KCNN3: variants seen among roughly 807,000 people sequenced by gnomAD.
The protein encoded by KCNN3 is potassium calcium-activated channel subfamily N member 3.
Under a neutral mutation model 62.9 loss-of-function variants are expected in KCNN3, and 16 were observed. The observed-to-expected ratio is 0.25, with a 90% CI of 0.17 to 0.39. KCNN3 has a LOEUF of 0.39. KCNN3 is among the 10% of genes least tolerant of loss of function. The pLI is 1.00. For synonymous variants in KCNN3, 370 were observed against 389.2 expected (o/e 0.95, Z 0.58); for missense variants, 599 against 949.4 (o/e 0.63, Z 4.85).
In KCNN3 at chr1:154,810,652, C is replaced by T. The variant is rs528351087; in HGVS notation, c.1029+11437G>A. On this transcript the variant is annotated intron_variant, in intron 2 of 7. Coordinates refer to ENST00000271915, the MANE Select transcript of KCNN3 (RefSeq NM_002249.6). ...ATTTTAATAGGCAGAGGAGCCACCA[C>T]AAGGCACAGCCAAGGTGGGGGTGTG... Among the ~76,000 whole-genome samples the T allele has an allele frequency of 1.7e-4, 26 of 152,342 alleles. No homozygotes were observed. In the South Asian group the frequency reaches 5.0e-3, roughly 29 times the overall value.
rs772303802 is a variant in KCNN3 at position 154,869,904 on chromosome 1, A to G, written c.61T>C (p.Cys21Arg). 1 of 1,609,630 alleles carries G rather than the reference A, an allele frequency of 6.2e-7. No individual in the cohort carries two copies. The highest frequency in any genetic ancestry group is 1.1e-5 in the South Asian group (1 of 90,216). The part of the protein sequence containing the change: ...GVGDLDEDPK[C>R]PCPSSGDEQQ... ...TCATCCCCAGAGGATGGACAGGGGC[A>G]CTTGGGGTCTTCATCCAAGTCCCCC... The change falls in exon 1 of 8, where the codon TGC (cysteine) becomes CGC (arginine). Residue 21 changes from cysteine (C) to arginine (R), a missense_variant. Coordinates refer to ENST00000271915, the MANE Select transcript of KCNN3 (RefSeq NM_002249.6). This position sits in a 1 kb window ranked among gnomAD's most constrained non-coding sequence, Gnocchi z 6.1.
At chr1:154,858,448 CA>C (rs1652621314) in intron 1 of KCNN3, among the ~76,000 whole-genome samples, 1 of 152,232 alleles carries the variant, frequency 6.6e-6, no homozygotes, top group South Asian at 2.1e-4. Flanking sequence ...GCCAAATAGC[CA>C]GGATTTGAAT....
At chr1:154,770,497 AAT>A in intron 3 of KCNN3, among the ~76,000 whole-genome samples, 2 of 152,330 alleles carry the variant, frequency 1.3e-5, no homozygotes, top group Middle Eastern at 6.8e-3. Flanking sequence ...AAGATTTGGC[AAT>A]ATAATCGTAA....
intron 2 of KCNN3, among the ~76,000 whole-genome samples, chr1:154,802,163 A>G (rs1398942169): frequency 6.6e-6 from 1 of 152,238 alleles, no homozygotes; most frequent in African/African-American, 2.4e-5. Context: ...AGGTACTGAT[A>G]TTAGATGAAG....
chr1:154,756,484 A>AC (rs1647716407), intron 3 of KCNN3, among the ~76,000 whole-genome samples: 1 of 149,922 alleles, frequency 6.7e-6, no homozygotes, highest in South Asian at 2.2e-4. Flanking sequence ...TCCCTGCCAC[A>AC]CCCCCCTTCA....
chr1:154,714,615 GTGTGTGTGTGTGTGTGT>G (rs1700193912), intron 6 of KCNN3, among the ~76,000 whole-genome samples: 1 of 125,492 alleles, frequency 8.0e-6, no homozygotes, highest in African/African-American at 3.1e-5. Context: ...GGTGTGTGGT[GTGTGTGTGTGTGTGTGT>G]GTGTGTGTGT....
chr1:154,758,910 C>T (rs1026098697), intron 3 of KCNN3, among the ~76,000 whole-genome samples: 5 of 152,184 alleles, frequency 3.3e-5, no homozygotes, highest in South Asian at 4.1e-4. Flanking sequence ...TGAGTTCAAG[C>T]GATTCTCTTG....
At position 154,772,398 on chromosome 1, in the gene KCNN3, TG is replaced by T. The variant is rs1302736757; in HGVS notation, c.1030-6del. ...GCCATTGTCGATCACGAAGAGCTGG[TG>T]GGAGCAGAAAGTCCATTAGTGTGGC... On this transcript the variant is annotated splice_region_variant and splice_polypyrimidine_tract_variant and intron_variant, in intron 2 of 7. Coordinates refer to ENST00000271915, the MANE Select transcript of KCNN3 (RefSeq NM_002249.6). This position sits in a 1 kb window ranked among gnomAD's most constrained non-coding sequence, Gnocchi z 5.6. The T allele has an allele frequency of 3.7e-6, 6 of 1,613,752 alleles. No individual in the cohort carries two copies. Among genetic ancestry groups the T allele is most frequent in the South Asian group, 2.2e-5 (2 of 91,024 alleles).
chr1:154,845,681 C>T (rs1035030723), intron 1 of KCNN3, among the ~76,000 whole-genome samples: 5 of 152,234 alleles, frequency 3.3e-5, no homozygotes, highest in Admixed American at 3.3e-4. Flanking sequence ...CCAGACCACC[C>T]CCGCAAACAC....
intron 7 of KCNN3, among the ~76,000 whole-genome samples, chr1:154,712,745 C>T (rs1336224879): frequency 2.0e-5 from 3 of 152,160 alleles, no homozygotes; most frequent in Non-Finnish European, 2.9e-5. Flanking sequence ...TCAGTGGCAC[C>T]GACTCTCAGC....
At chr1:154,861,403 T>C (rs897533182) in intron 1 of KCNN3, among the ~76,000 whole-genome samples, 1 of 152,120 alleles carries the variant, frequency 6.6e-6, no homozygotes, top group Non-Finnish European at 1.5e-5. Flanking sequence ...GGGCCTGTGT[T>C]CACTGCCTGC....
intron 2 of KCNN3, among the ~76,000 whole-genome samples, chr1:154,789,289 T>G (rs988931610): frequency 6.6e-6 from 1 of 152,122 alleles, no homozygotes; most frequent in Non-Finnish European, 1.5e-5. Context: ...TGTGATTACG[T>G]TTAGATCCCA....
At chr1:154,834,085 T>A (rs1447041173) in intron 1 of KCNN3, among the ~76,000 whole-genome samples, 1 of 152,220 alleles carries the variant, frequency 6.6e-6, no homozygotes, top group Non-Finnish European at 1.5e-5. Context: ...TTGATAGAAG[T>A]GGTGGAGACC....
intron 2 of KCNN3, among the ~76,000 whole-genome samples, chr1:154,775,047 C>A (rs1648732254): frequency 6.6e-6 from 1 of 152,252 alleles, no homozygotes; most frequent in Non-Finnish European, 1.5e-5. Flanking sequence ...CCGAGTGAAG[C>A]CTTCCTTTCC....
chr1:154,747,759 C>T (rs1053082714), intron 3 of KCNN3, among the ~76,000 whole-genome samples: 11 of 152,196 alleles, frequency 7.2e-5, no homozygotes, highest in African/African-American at 2.4e-4. Flanking sequence ...ATTCCAAAAT[C>T]CTTAGGCTGG....
intron 1 of KCNN3, among the ~76,000 whole-genome samples, chr1:154,834,035 T>A (rs1306195606): frequency 6.6e-6 from 1 of 152,206 alleles, no homozygotes; most frequent in Non-Finnish European, 1.5e-5. Context: ...TCCTAACATT[T>A]GGCACAGGTT....
chr1:154,767,406 C>T (rs1306339536), intron 3 of KCNN3, among the ~76,000 whole-genome samples: 3 of 152,202 alleles, frequency 2.0e-5, no homozygotes, highest in African/African-American at 7.2e-5. Context: ...AGGGAATCCA[C>T]TCAAGAGGAC....
Position 154,838,615 on chromosome 1 carries a change from C to T in KCNN3, c.934-16431G>A, listed in dbSNP as rs527515423. 1.2e-4 allele frequency among the ~76,000 whole-genome samples: 18 copies of T among 152,292 alleles called. No homozygotes were observed. In the East Asian group the frequency reaches 2.5e-3, roughly 21 times the overall value. ...ACAACCTCCCTGCCTTAGCCTTTCCCGTTCCCAGTCAACCTTCAGGACCGG... is the reference window on the plus strand; with the variant it reads ...ACAACCTCCCTGCCTTAGCCTTTCCTGTTCCCAGTCAACCTTCAGGACCGG... On this transcript the variant is annotated intron_variant, in intron 1 of 7. Transcript: ENST00000271915.
At chr1:154,849,085 G>T (rs1214891514) in intron 1 of KCNN3, among the ~76,000 whole-genome samples, 1 of 152,190 alleles carries the variant, frequency 6.6e-6, no homozygotes, top group Non-Finnish European at 1.5e-5. Flanking sequence ...TTCCCGAGGT[G>T]GCCACTGGGG....
Sources: allele counts gnomAD v4.1 joint callset (sites outside exome capture counted in the v4.1 genomes callset), GRCh38; gene constraint gnomAD v4.1.1; non-coding constraint Gnocchi (gnomAD v3.1); transcripts MANE v1.5; gene names NCBI Gene and HGNC (gene_info 2026-07-23, HGNC 2026-07-21).